The following SULT2A1 variants were observed in gnomAD, a reference collection of about 807,000 sequenced individuals.
The protein encoded by SULT2A1 is sulfotransferase family 2A member 1.
In SULT2A1, 43 loss-of-function variants were observed where a neutral mutation model predicts 33.9. The ratio of observed to expected loss-of-function variants is 1.27; its 90% CI spans 1.00 to 1.64. SULT2A1 has a LOEUF of 1.64. Ranked by LOEUF, SULT2A1 falls within the 40% of genes most tolerant of loss-of-function variation. The pLI is 0.00. For missense variants in SULT2A1, 300 were observed against 335.1 expected, an observed-to-expected ratio of 0.90 and a Z score of 0.82; for synonymous variants, 125 against 113.6, an observed-to-expected ratio of 1.10 and a Z score of -0.64.
chr19:47,884,104 CAAA>C (rs532247197), intron 1 of SULT2A1, among the ~76,000 whole-genome samples: 1 of 116,172 alleles, frequency 8.6e-6, no homozygotes. Context: ...GACTCAGTCT[CAAA>C]AAAAAAAACA....
chr19:47,875,035 G>A (rs1421043646), intron 4 of SULT2A1, among the ~76,000 whole-genome samples: 1 of 151,614 alleles, frequency 6.6e-6, no homozygotes, highest in South Asian at 2.1e-4. Context: ...GGTGGTGGGC[G>A]CCGGTAATCC....
At chr19:47,878,998 G>T in intron 4 of SULT2A1, 38 bp downstream of exon 4, 2 of 1,244,112 alleles carry the variant, frequency 1.6e-6, no homozygotes, top group Non-Finnish European at 2.4e-6. Flanking sequence ...GGATGGTGGT[G>T]AGAGGGTGTG....
intron 3 of SULT2A1, among the ~76,000 whole-genome samples, chr19:47,879,392 C>T (rs1317210617): frequency 2.0e-5 from 3 of 152,074 alleles, no homozygotes; most frequent in Admixed American, 6.6e-5. Context: ...GGGTAATTCA[C>T]AAAGGAAAGT....
intron 3 of SULT2A1, among the ~76,000 whole-genome samples, chr19:47,881,499 G>C (rs1226320911): frequency 6.6e-6 from 1 of 152,098 alleles, no homozygotes; most frequent in Non-Finnish European, 1.5e-5. Flanking sequence ...TGAGTGTACT[G>C]AATTAGAGGC....
chr19:47,881,982 C>T, intron 3 of SULT2A1, 102 bp downstream of exon 3: 7 of 1,505,644 alleles, frequency 4.6e-6, no homozygotes, highest in Non-Finnish European at 6.3e-6. Context: ...GTGGTGGAGC[C>T]TTTCAACCCA....
Position 47,886,285 on chromosome 19 carries a change from A to T in SULT2A1, c.-28T>A. ...TGATGACCTCTTCCTGCGTGGTGTG[A>T]GGGTTTCAACTGTAGCCACCGCTGG... On this transcript the variant is annotated 5_prime_UTR_variant, in exon 1 of 6. Transcript: ENST00000222002. 6.2e-7 allele frequency: 1 copy of T among 1,612,868 alleles called. No homozygotes were observed. Among genetic ancestry groups the T allele is most frequent in the Non-Finnish European group, 8.5e-7 (1 of 1,179,330 alleles).
At chr19:47,876,768 TAAAAAAAAA>T (rs34642376) in intron 4 of SULT2A1, among the ~76,000 whole-genome samples, 1 of 85,592 alleles carries the variant, frequency 1.2e-5, no homozygotes, top group African/African-American at 4.7e-5. Flanking sequence ...AGACTCTGTC[TAAAAAAAAA>T]AAAAAAAAAA....
intron 3 of SULT2A1, among the ~76,000 whole-genome samples, chr19:47,880,258 A>C (rs74830147): frequency 6.7e-6 from 1 of 149,304 alleles, no homozygotes. Context: ...AAAAAAAAAA[A>C]CCTGAAGCTG....
chr19:47,878,505 ATTT>A lies in SULT2A1; in HGVS notation c.567+528_567+530del, dbSNP rs34027366. 2.8e-3 allele frequency among the ~76,000 whole-genome samples: 311 copies of A among 111,936 alleles called. 3 individuals are homozygous for A. Among genetic ancestry groups the A allele is most frequent in the African/African-American group, 8.9e-3 (245 of 27,434 alleles). 73.4% of individuals were successfully genotyped at this position (111,936 alleles called of 152,430 possible). ...ACCCGGTGCCAAAAAACCTCTCTAG[ATTT>A]TTTTTTTTTTTTTTTTTTGAGACAG... On this transcript the variant is annotated intron_variant, in intron 4 of 5. Transcript: ENST00000222002.
chr19:47,880,815 T>A (rs951653249), intron 3 of SULT2A1, among the ~76,000 whole-genome samples: 2 of 152,044 alleles, frequency 1.3e-5, no homozygotes, highest in African/African-American at 4.8e-5. Flanking sequence ...CTTGAACTCC[T>A]GACCTCAGGT....
intron 4 of SULT2A1, 133 bp from the exon 5 acceptor site, chr19:47,874,967 G>A: frequency 1.4e-6 from 1 of 690,180 alleles, no homozygotes; most frequent in African/African-American, 1.8e-5. Flanking sequence ...TTCGAGACTA[G>A]CCTGGCCAAC....
intron 3 of SULT2A1, among the ~76,000 whole-genome samples, chr19:47,881,096 C>T (rs1455216082): frequency 6.6e-6 from 1 of 152,024 alleles, no homozygotes; most frequent in Admixed American, 6.6e-5. Context: ...GGTGCAGTGG[C>T]GTGATCTTGG....
rs1223171961 is a variant in SULT2A1, at chr19:47,877,089, A to AAAG, written c.567+1946_567+1947insCTT. On this transcript the variant is annotated intron_variant, in intron 4 of 5. Transcript: ENST00000222002. ...AAGACTCCACCTCATAAAAAAAAAA[A>AAAG]AAAAAGAAATTCATGCCCAGACCAT... Among the ~76,000 whole-genome samples, 5 of 151,070 alleles carry AAAG rather than the reference A, an allele frequency of 3.3e-5. No homozygotes were observed. In the Admixed American group the frequency reaches 3.3e-4, roughly 10 times the overall value.
At chr19:47,873,022 A>C (rs1260506147) in intron 5 of SULT2A1, among the ~76,000 whole-genome samples, 5 of 152,016 alleles carry the variant, frequency 3.3e-5, no homozygotes, top group Admixed American at 2.6e-4. Context: ...TTGGTCTCTC[A>C]AAGTGCTGGG....
At chr19:47,881,988 A>G in intron 3 of SULT2A1, 96 bp downstream of exon 3, 1 of 1,537,794 alleles carries the variant, frequency 6.5e-7, no homozygotes, top group Non-Finnish European at 8.8e-7. Context: ...GAGCCTTTCA[A>G]CCCATGGGTT....
chr19:47,871,130 A>G lies in SULT2A1; in HGVS notation c.*325T>C. On this transcript the variant is annotated 3_prime_UTR_variant, in exon 6 of 6. Coordinates refer to ENST00000222002, the MANE Select transcript of SULT2A1 (RefSeq NM_003167.4). ...CCAAAGTGCTGGGATTACAGACATGAGCCAATGCGCCTGGCTAATTTTTTT... is the reference window on the plus strand; with the variant it reads ...CCAAAGTGCTGGGATTACAGACATGGGCCAATGCGCCTGGCTAATTTTTTT... 5.5e-6 allele frequency: 1 copy of G among 182,226 alleles called. No homozygotes were observed. 11.3% of individuals were successfully genotyped at this position (182,226 alleles called of 1,614,324 possible).
In SULT2A1 at chr19:47,883,846, C is replaced by G. The variant is rs189731114; in HGVS notation, c.137-61G>C. 5 of 1,487,418 alleles carry G rather than the reference C, an allele frequency of 3.4e-6. No individual in the cohort carries two copies. In the African/African-American group the frequency reaches 5.6e-5, roughly 17 times the overall value. The allele number at this position is 1,487,418 out of a possible 1,614,324, so 92.1% of individuals were successfully genotyped here. A position where few individuals can be genotyped will look rare whatever the true frequency, so the allele number is the denominator to read the frequency against. ...CATCTCAGCCGGACATGGTGGCTCA[C>G]GCCTGTAATCCCAGCACTTTGGGAG... On this transcript the variant is annotated intron_variant, in intron 1 of 5. Transcript: ENST00000222002.
chr19:47,882,394 C>A lies in SULT2A1; in HGVS notation c.346-184G>T, dbSNP rs62530962. ...ATGTGCCTATGAAGTAGTCACTGCACTAGGAATATATCAATGGAAGAAGGA... is the reference window on the plus strand; with the variant it reads ...ATGTGCCTATGAAGTAGTCACTGCAATAGGAATATATCAATGGAAGAAGGA... On this transcript the variant is annotated intron_variant, in intron 2 of 5. Transcript: ENST00000222002. Among the ~76,000 whole-genome samples the A allele has an allele frequency of 2.8e-4, 42 of 152,202 alleles. No individual in the cohort carries two copies. The East Asian group carries it at 8.1e-3, about 29-fold the overall frequency.
At chr19:47,878,414 C>A (rs1968568712) in intron 4 of SULT2A1, among the ~76,000 whole-genome samples, 1 of 152,074 alleles carries the variant, frequency 6.6e-6, no homozygotes, top group East Asian at 1.9e-4. Flanking sequence ...TCTCAAACTC[C>A]CAGCCTCAAG....
Sources: allele counts gnomAD v4.1 joint callset (sites outside exome capture counted in the v4.1 genomes callset), GRCh38; gene constraint gnomAD v4.1.1; transcripts MANE v1.5; gene names NCBI Gene and HGNC (gene_info 2026-07-23, HGNC 2026-07-21).